The following PTPDC1 variants were observed in gnomAD, a reference collection of about 807,000 sequenced individuals.
PTPDC1 encodes the protein protein tyrosine phosphatase domain containing 1, also known as protein tyrosine phosphatase domain-containing protein 1.
In PTPDC1, 53 loss-of-function variants were observed where a neutral mutation model predicts 75.3. The observed-to-expected ratio is 0.70, with a 90% CI of 0.56 to 0.88. The LOEUF (loss-of-function observed/expected upper bound fraction) is 0.88, where lower values mean the gene tolerates loss of function less well. Among genes scored for constraint, PTPDC1 ranks in the 40% least tolerant of loss-of-function variants. PTPDC1 has a pLI of 0.00. For synonymous variants in PTPDC1, 349 were observed against 366.2 expected (o/e 0.95, Z 0.54); for missense variants, 925 against 998.6 (o/e 0.93, Z 0.99).
chr9:94,105,947 T>C (rs200327097), intron 8 of PTPDC1, among the ~76,000 whole-genome samples: 2 of 151,580 alleles, frequency 1.3e-5, no homozygotes, highest in East Asian at 3.9e-4. Context: ...CACTCCAGCC[T>C]GGGCGACAGA....
chr9:94,097,386 G>T lies in PTPDC1; in HGVS notation c.820G>T (p.Val274Leu). The change falls in exon 6 of 9, where the codon GTG (valine) becomes TTG (leucine). Residue 274 changes from valine to leucine, a missense_variant. By Grantham distance (32) the Val-to-Leu change is conservative (BLOSUM62 1). Transcript: ENST00000620992. ...GACTGCTGACCAAGCAATTATATTTGTGCGGGCAAAGCGACCCAATTCCAT... is the reference window on the plus strand; with the variant it reads ...GACTGCTGACCAAGCAATTATATTTTTGCGGGCAAAGCGACCCAATTCCAT... Reference protein sequence around the residue: ...RMTADQAIIFVRAKRPNSIQT... With the variant: ...RMTADQAIIFLRAKRPNSIQT... The T allele has an allele frequency of 1.2e-6, 2 of 1,614,028 alleles. No homozygotes were observed. Among genetic ancestry groups the T allele is most frequent in the Non-Finnish European group, 1.7e-6 (2 of 1,179,974 alleles).
chr9:94,033,345 C>A (rs927988198), intron 1 of PTPDC1, among the ~76,000 whole-genome samples: 6 of 152,198 alleles, frequency 3.9e-5, no homozygotes, highest in South Asian at 4.1e-4. Context: ...CAAAACATTT[C>A]TTTGCAATTA....
rs143939108 is a variant in PTPDC1, at chr9:94,106,720, T to A, written c.2311-1108T>A. ...TCAAAATTTATCAGAGAGGGAGAAA[T>A]TCCAGAAGCAGAGAAGCAGTGATTG... is the stretch of plus-strand genomic sequence containing the variant. On this transcript the variant is annotated intron_variant, in intron 8 of 8. Coordinates refer to ENST00000620992, the MANE Select transcript of PTPDC1 (RefSeq NM_001253829.2). Among the ~76,000 whole-genome samples the A allele has an allele frequency of 5.7e-3, 875 of 152,208 alleles. 1 individual carries two copies. The highest frequency in any genetic ancestry group is 9.3e-3 in the Non-Finnish European group (635 of 67,992).
At chr9:94,092,937 G>T (rs1281399320) in intron 4 of PTPDC1, among the ~76,000 whole-genome samples, 1 of 150,734 alleles carries the variant, frequency 6.6e-6, no homozygotes, top group Admixed American at 6.6e-5. Flanking sequence ...CATTGGCTTG[G>T]TAGATCTTCC....
In PTPDC1 at chr9:94,098,220, C is replaced by T. The variant is rs1827688964; in HGVS notation, c.1654C>T (p.His552Tyr). The change falls in exon 6 of 9, where the codon CAC becomes TAC. Residue 552 changes from histidine to tyrosine, a missense_variant. Transcript: ENST00000620992. ...TTTCTCTGCAGATGTTTCAGGCTCACACAGCCCTGGGGAGCCAGTTTCACC... is the reference window on the plus strand; with the variant it reads ...TTTCTCTGCAGATGTTTCAGGCTCATACAGCCCTGGGGAGCCAGTTTCACC... ...GAFSADVSGSHSPGEPVSPSF... is the reference protein window; with the variant it reads ...GAFSADVSGSYSPGEPVSPSF... 3.1e-6 allele frequency: 5 copies of T among 1,614,226 alleles called. No homozygotes were observed. The highest frequency in any genetic ancestry group is 3.4e-6 in the Non-Finnish European group (4 of 1,180,052).
intron 1 of PTPDC1, among the ~76,000 whole-genome samples, chr9:94,040,728 A>G (rs752111497): frequency 1.1e-4 from 16 of 152,308 alleles, no homozygotes; most frequent in East Asian, 1.9e-4. Context: ...CTTCCTTTAT[A>G]GAAATTTTTA....
intron 1 of PTPDC1, among the ~76,000 whole-genome samples, chr9:94,064,384 A>G (rs1052966922): frequency 6.6e-6 from 1 of 152,200 alleles, no homozygotes; most frequent in Non-Finnish European, 1.5e-5. Flanking sequence ...AAATAACTTA[A>G]TAAGTATAAT....
intron 1 of PTPDC1, among the ~76,000 whole-genome samples, chr9:94,048,625 C>G (rs964197719): frequency 2.0e-4 from 31 of 152,072 alleles, no homozygotes; most frequent in Non-Finnish European, 2.2e-4. Context: ...TTACTTCCAA[C>G]TATATGGTCA....
intron 5 of PTPDC1, among the ~76,000 whole-genome samples, chr9:94,095,892 G>A (rs1449268029): frequency 6.6e-6 from 1 of 152,130 alleles, no homozygotes; most frequent in Non-Finnish European, 1.5e-5. Flanking sequence ...AAAGTCTTTA[G>A]CAACAATGTG....
chr9:94,085,193 T>C, intron 1 of PTPDC1, 58 bp from the exon 2 acceptor site: 1 of 1,456,880 alleles, frequency 6.9e-7, no homozygotes, highest in Non-Finnish European at 9.5e-7. Flanking sequence ...CTATTTCCCA[T>C]GTTACAATTT....
At chr9:94,048,998 G>A (rs1825703042) in intron 1 of PTPDC1, among the ~76,000 whole-genome samples, 1 of 151,974 alleles carries the variant, frequency 6.6e-6, no homozygotes, top group Non-Finnish European at 1.5e-5. Context: ...TTGGTTTAAA[G>A]TCTGTTTTAT....
At position 94,085,405 on chromosome 9, in the gene PTPDC1, G is replaced by T. The variant is rs765981850; in HGVS notation, c.399G>T (p.Lys133Asn). 2 of 1,614,136 alleles carry T rather than the reference G, an allele frequency of 1.2e-6. No individual in the cohort carries two copies. Among genetic ancestry groups the T allele is most frequent in the Non-Finnish European group, 8.5e-7 (1 of 1,180,016 alleles). The change falls in exon 2 of 9, where the codon AAG (lysine) becomes AAT (asparagine). Residue 133 changes from lysine to asparagine, a missense_variant. Coordinates refer to ENST00000620992, the MANE Select transcript of PTPDC1 (RefSeq NM_001253829.2). ...ARWSEQEQAI[K>N]GVYSSWVTDN... ...GGAGTGAGCAGGAGCAAGCCATTAA[G>T]GGGGTTTACTCATCCTGGTGAGTGA...
At chr9:94,030,905 A>AC (rs1180041254) in exon 1 of PTPDC1, 1 of 151,976 alleles carries the variant, frequency 6.6e-6, no homozygotes, top group East Asian at 2.0e-4. Flanking sequence ...CTGGGCTGGG[A>AC]CCCCTCTGCC....
upstream of PTPDC1, among the ~76,000 whole-genome samples, chr9:94,081,137 G>A (rs1038967606): frequency 2.2e-4 from 33 of 151,900 alleles, no homozygotes; most frequent in African/African-American, 7.5e-4. Context: ...CTACAGGCAT[G>A]CGCCACTACA....
upstream of PTPDC1, chr9:94,084,375 G>T: frequency 8.2e-7 from 1 of 1,219,404 alleles, no homozygotes; most frequent in Non-Finnish European, 1.1e-6. Context: ...GTGGGAATCA[G>T]TAGTTTCTTT....
Position 94,088,242 on chromosome 9 carries a change from G to C in PTPDC1, c.595G>C (p.Glu199Gln), listed in dbSNP as rs1827147619. Residue 199 changes from glutamate (E) to glutamine (Q), a missense_variant, in exon 4 of 9, where the codon GAG becomes CAG. Coordinates refer to ENST00000620992, the MANE Select transcript of PTPDC1 (RefSeq NM_001253829.2). ...AGAAAGTGGCTTCACATACCTTCCT[G>C]AGGCTTTCATGGAGGCTGGCAGTAA... is the stretch of plus-strand genomic sequence containing the variant. ...EQESGFTYLP[E>Q]AFMEAGIYFY... 6.2e-7 allele frequency: 1 copy of C among 1,613,860 alleles called. No individual in the cohort carries two copies. Among genetic ancestry groups the C allele is most frequent in the African/African-American group, 1.3e-5 (1 of 74,910 alleles).
At chr9:94,075,784 A>G (rs1442883897) in intron 2 of PTPDC1, among the ~76,000 whole-genome samples, 1 of 152,222 alleles carries the variant, frequency 6.6e-6, no homozygotes, top group African/African-American at 2.4e-5. Context: ...TTGCTTTATT[A>G]AGGAAAGGAG....
chr9:94,062,001 A>G (rs1587858928), intron 1 of PTPDC1, among the ~76,000 whole-genome samples: 1 of 152,344 alleles, frequency 6.6e-6, no homozygotes, highest in South Asian at 2.1e-4. Context: ...AAATTTTCCA[A>G]ACTTCTATGC....
intron 1 of PTPDC1, among the ~76,000 whole-genome samples, chr9:94,055,188 C>T (rs550508933): frequency 3.0e-4 from 45 of 152,318 alleles, no homozygotes; most frequent in African/African-American, 1.1e-3. Context: ...TGGAGCTGAA[C>T]TGTGGGAATT....
Sources: allele counts gnomAD v4.1 joint callset (sites outside exome capture counted in the v4.1 genomes callset), GRCh38; gene constraint gnomAD v4.1.1; transcripts MANE v1.5; gene names NCBI Gene and HGNC (gene_info 2026-07-23, HGNC 2026-07-21).